Variants in CERS6 observed in about 807,000 individuals in gnomAD.
CERS6 encodes ceramide synthase 6, also known as LAG1 homolog, ceramide synthase 6.
In CERS6, 26 loss-of-function variants were observed where a neutral mutation model predicts 56.8. That is an observed-to-expected ratio of 0.46 (90% CI 0.34 to 0.63). The LOEUF (loss-of-function observed/expected upper bound fraction) is 0.63, where lower values mean the gene tolerates loss of function less well. Ranked by LOEUF, CERS6 falls within the 30% of genes least tolerant of loss-of-function variation. CERS6 has a pLI of 0.01. For missense variants in CERS6, 415 were observed against 467.5 expected (o/e 0.89, Z 1.04); for synonymous variants, 164 against 173.3 (o/e 0.95, Z 0.42).
At chr2:168,509,208 C>T (rs116212697) in intron 1 of CERS6, among the ~76,000 whole-genome samples, 2,793 of 152,296 alleles carry the variant, frequency 0.018, 84 homozygotes, top group African/African-American at 0.064. Flanking sequence ...CAAATTCAAA[C>T]ATTCTTAAAC....
chr2:168,508,714 G>T (rs929705160), intron 1 of CERS6, among the ~76,000 whole-genome samples: 2 of 152,022 alleles, frequency 1.3e-5, no homozygotes, highest in Non-Finnish European at 2.9e-5. Context: ...CCTGTCGGGG[G>T]GTGGGGGGTA....
chr2:168,665,930 A>T, intron 4 of CERS6, among the ~76,000 whole-genome samples: 1 of 148,080 alleles, frequency 6.8e-6, no homozygotes, highest in Non-Finnish European at 1.5e-5. Context: ...GGTTTTAAGA[A>T]TTTTTTTAAA....
intron 4 of CERS6, among the ~76,000 whole-genome samples, chr2:168,669,398 C>G (rs1051421315): frequency 6.6e-6 from 1 of 152,124 alleles, no homozygotes; most frequent in African/African-American, 2.4e-5. Context: ...GTCACAGGGC[C>G]CTATCTAACT....
At chr2:168,744,659 G>A (rs1473206818) in intron 8 of CERS6, among the ~76,000 whole-genome samples, 1 of 152,150 alleles carries the variant, frequency 6.6e-6, no homozygotes, top group Admixed American at 6.5e-5. Flanking sequence ...GGATAGAGGA[G>A]GAGGACAAAA....
Position 168,615,961 on chromosome 2 carries a change from T to C in CERS6, c.408-15024T>C, listed in dbSNP as rs142834553. ...AGACGAGGGAAAGAATCTTAAGAGC[T>C]GTGAGGCAAAAGCACCAGGTAACCT... On this transcript the variant is annotated intron_variant, in intron 3 of 9. Coordinates refer to ENST00000305747, the MANE Select transcript of CERS6 (RefSeq NM_203463.3). Among the ~76,000 whole-genome samples, 1,373 of 152,318 alleles carry C rather than the reference T, an allele frequency of 9.0e-3. 24 individuals are homozygous for C. The highest frequency in any genetic ancestry group is 0.031 in the African/African-American group (1,295 of 41,568).
chr2:168,507,374 T>C (rs1186817273), intron 1 of CERS6, among the ~76,000 whole-genome samples: 1 of 152,172 alleles, frequency 6.6e-6, no homozygotes, highest in Non-Finnish European at 1.5e-5. Context: ...CCTTAGTCTT[T>C]CTCTGTCTTT....
At chr2:168,600,113 T>C (rs1273661816) in intron 3 of CERS6, among the ~76,000 whole-genome samples, 2 of 152,072 alleles carry the variant, frequency 1.3e-5, no homozygotes, top group Non-Finnish European at 2.9e-5. Flanking sequence ...TTTCTCTCCA[T>C]GAACATTATA....
intron 3 of CERS6, among the ~76,000 whole-genome samples, chr2:168,617,204 TGTCAAAACC>T: frequency 6.6e-6 from 1 of 152,122 alleles, no homozygotes; most frequent in Non-Finnish European, 1.5e-5. Flanking sequence ...TGGCTCAACC[TGTCAAAACC>T]TCTGGGATAC....
intron 1 of CERS6, among the ~76,000 whole-genome samples, chr2:168,542,310 C>T (rs1695387360): frequency 6.6e-6 from 1 of 152,194 alleles, no homozygotes; most frequent in African/African-American, 2.4e-5. Flanking sequence ...TACCCAGTTA[C>T]CTATAATGGT....
chr2:168,606,294 G>A, intron 3 of CERS6: 1 of 152,132 alleles, frequency 6.6e-6, no homozygotes, highest in East Asian at 1.9e-4. Flanking sequence ...CCTTTCTTTT[G>A]GCTAATTTCT....
intron 6 of CERS6, among the ~76,000 whole-genome samples, chr2:168,697,404 C>A (rs1686680259): frequency 6.6e-6 from 1 of 152,136 alleles, no homozygotes; most frequent in Non-Finnish European, 1.5e-5. Flanking sequence ...CTTCTTTGGT[C>A]ATGTAGTGTC....
At chr2:168,744,094 CTCCTGTGTTCTCGCCA>C (rs1223934175) in intron 8 of CERS6, among the ~76,000 whole-genome samples, 1 of 148,776 alleles carries the variant, frequency 6.7e-6, no homozygotes, top group Admixed American at 6.7e-5. Flanking sequence ...CAAGCTCCAC[CTCCTGTGTTCTCGCCA>C]TTCTCCTGCC....
At position 168,493,373 on chromosome 2, in the gene CERS6, CTT is replaced by C. The variant is rs200983021; in HGVS notation, c.170+36758_170+36759del. Among the ~76,000 whole-genome samples, 1,224 of 152,266 alleles carry C rather than the reference CTT, an allele frequency of 8.0e-3. 19 individuals are homozygous for C. The highest frequency in any genetic ancestry group is 0.027 in the African/African-American group (1,138 of 41,554). ...TTCTTCTGCCTCCTGTCTACTCACT[CTT>C]TTAACTCCTCAGCTACCAAGGTAGG... is the stretch of plus-strand genomic sequence containing the variant. On this transcript the variant is annotated intron_variant, in intron 1 of 9. Coordinates refer to ENST00000305747, the MANE Select transcript of CERS6 (RefSeq NM_203463.3).
At chr2:168,556,233 C>A (rs1313761802) in intron 2 of CERS6, among the ~76,000 whole-genome samples, 1 of 151,880 alleles carries the variant, frequency 6.6e-6, no homozygotes, top group African/African-American at 2.4e-5. Flanking sequence ...AGACTAGAGA[C>A]CAAATTTTGT....
In CERS6 at chr2:168,756,859, C is replaced by T. The variant is rs115482726; in HGVS notation, c.846-8733C>T. ...TTACATCCCTGTGCTTCCATGTCCT[C>T]ATATGAAAAATAGGGATAATAACAG... On this transcript the variant is annotated intron_variant, in intron 8 of 9. Coordinates refer to ENST00000305747, the MANE Select transcript of CERS6 (RefSeq NM_203463.3). 4.3e-3 allele frequency among the ~76,000 whole-genome samples: 648 copies of T among 151,786 alleles called. 4 individuals are homozygous for T. The highest frequency in any genetic ancestry group is 0.015 in the African/African-American group (608 of 41,372).
chr2:168,512,007 AG>A (rs1373510017), intron 1 of CERS6, among the ~76,000 whole-genome samples: 3 of 151,996 alleles, frequency 2.0e-5, no homozygotes, highest in Non-Finnish European at 2.9e-5. Context: ...TTAAAAAGGA[AG>A]GGGATTTGAA....
chr2:168,677,237 T>C (rs1288956552), intron 4 of CERS6, among the ~76,000 whole-genome samples: 1 of 152,188 alleles, frequency 6.6e-6, no homozygotes, highest in East Asian at 1.9e-4. Context: ...TTCTCATTGT[T>C]CAACTCCCAC....
chr2:168,532,444 C>G (rs765938253), intron 1 of CERS6, among the ~76,000 whole-genome samples: 2 of 151,910 alleles, frequency 1.3e-5, no homozygotes, highest in African/African-American at 4.8e-5. Context: ...AGTTTCATGT[C>G]TTTTGGTGTT....
chr2:168,575,675 G>C (rs1423563865), intron 3 of CERS6, among the ~76,000 whole-genome samples: 1 of 152,108 alleles, frequency 6.6e-6, no homozygotes, highest in Non-Finnish European at 1.5e-5. Flanking sequence ...CTGAAGCAAA[G>C]AAGGGCCTTC....
Sources: allele counts gnomAD v4.1 joint callset (sites outside exome capture counted in the v4.1 genomes callset), GRCh38; gene constraint gnomAD v4.1.1; transcripts MANE v1.5; gene names NCBI Gene and HGNC (gene_info 2026-07-23, HGNC 2026-07-21).